The following SH3KBP1 variants were observed in gnomAD, a reference collection of about 807,000 sequenced individuals.
SH3KBP1 encodes the protein SH3 domain containing kinase binding protein 1, also known as SH3 domain-containing kinase-binding protein 1.
A neutral mutation model predicts 50.1 loss-of-function variants in SH3KBP1; 8 were observed. The ratio of observed to expected loss-of-function variants is 0.16; its 90% CI spans 0.09 to 0.29. The LOEUF is 0.29. SH3KBP1 is among the 10% of genes least tolerant of loss of function. The probability of loss-of-function intolerance (pLI) is 1.00; values close to 1 mark genes in which losing one functional copy is unlikely to be tolerated. For missense variants in SH3KBP1, 377 were observed against 535.2 expected, an observed-to-expected ratio of 0.70 and a Z score of 2.92; for synonymous variants, 227 against 218.6, an observed-to-expected ratio of 1.04 and a Z score of -0.34.
chrX:19,858,822 G>C (rs2068716733), intron 1 of SH3KBP1, among the ~76,000 whole-genome samples: 1 of 112,030 alleles, frequency 8.9e-6, no homozygotes, highest in Admixed American at 9.5e-5. Context: ...CAAGAGCTAG[G>C]AAAAGTTAAG....
At chrX:19,571,816 T>G (rs904163758) in intron 12 of SH3KBP1, among the ~76,000 whole-genome samples, 8 of 108,934 alleles carry the variant, frequency 7.3e-5, no homozygotes, top group Non-Finnish European at 1.3e-4. Flanking sequence ...GTGAGTTTAG[T>G]GAACTCTACT....
At chrX:19,782,444 A>G (rs1389757854) in intron 2 of SH3KBP1, among the ~76,000 whole-genome samples, 1 of 111,818 alleles carries the variant, frequency 8.9e-6, no homozygotes, top group Non-Finnish European at 1.9e-5. Context: ...CTGTCCACCA[A>G]TGAGGCCTCT....
At chrX:19,595,611 CA>C (rs2066882385) in intron 9 of SH3KBP1, among the ~76,000 whole-genome samples, 1 of 99,645 alleles carries the variant, frequency 1.0e-5, no homozygotes, top group Admixed American at 1.1e-4. Context: ...TTTTGCATAT[CA>C]GCCGTGATTT....
chrX:19,827,562 G>T (rs1190979725), intron 2 of SH3KBP1, among the ~76,000 whole-genome samples: 1 of 111,137 alleles, frequency 9.0e-6, no homozygotes, highest in Non-Finnish European at 1.9e-5. Context: ...ATAGCTGTGG[G>T]TCCCTTCCAG....
intron 3 of SH3KBP1, among the ~76,000 whole-genome samples, chrX:19,708,194 A>G (rs6629358): frequency 8.7e-4 from 98 of 112,416 alleles, no homozygotes; most frequent in East Asian, 7.0e-3. Flanking sequence ...GCTACATCGG[A>G]TGTGTGCCCT....
chrX:19,779,499 C>T (rs1347066819), intron 2 of SH3KBP1, among the ~76,000 whole-genome samples: 1 of 103,705 alleles, frequency 9.6e-6, no homozygotes, highest in Non-Finnish European at 2.0e-5. Flanking sequence ...CATATGTATA[C>T]ATGTGCCATG....
In SH3KBP1 at chrX:19,887,376, G is replaced by A; in HGVS notation, c.-66C>T. On this transcript the variant is annotated 5_prime_UTR_variant, in exon 1 of 18. Coordinates refer to ENST00000397821, the MANE Select transcript of SH3KBP1 (RefSeq NM_031892.3). ...TTGGCGGAGGCGGGCGTGGGGGTTGGGGCGCCGGGATCGGGGCGCTGGGAT... is the reference window on the plus strand; with the variant it reads ...TTGGCGGAGGCGGGCGTGGGGGTTGAGGCGCCGGGATCGGGGCGCTGGGAT... 3 of 906,068 alleles carry A rather than the reference G, an allele frequency of 3.3e-6. No individual in the cohort carries two copies. Among genetic ancestry groups the A allele is most frequent in the Non-Finnish European group, 2.8e-6 (2 of 724,977 alleles). 74.7% of individuals were successfully genotyped at this position (906,068 alleles called of 1,213,427 possible). A position where few individuals can be genotyped will look rare whatever the true frequency, so the allele number is the denominator to read the frequency against.
At chrX:19,839,505 T>G (rs1249112307) in intron 1 of SH3KBP1, among the ~76,000 whole-genome samples, 1 of 110,583 alleles carries the variant, frequency 9.0e-6, no homozygotes, top group Non-Finnish European at 1.9e-5. Flanking sequence ...CCCAGCTAAT[T>G]TTTGTATTGT....
intron 6 of SH3KBP1, among the ~76,000 whole-genome samples, chrX:19,656,801 T>C (rs1000262862): frequency 2.7e-5 from 3 of 111,926 alleles, no homozygotes; most frequent in Non-Finnish European, 5.6e-5. Context: ...AAAACACCAA[T>C]CAATCTACCA....
chrX:19,678,347 AGG>A (rs1377984404), intron 6 of SH3KBP1, among the ~76,000 whole-genome samples: 11 of 104,049 alleles, frequency 1.1e-4, no homozygotes, highest in Non-Finnish European at 1.9e-4. Context: ...AAATTCCAGG[AGG>A]TTTTTTTTTT....
intron 2 of SH3KBP1, among the ~76,000 whole-genome samples, chrX:19,815,921 A>AT (rs1372710491): frequency 8.9e-6 from 1 of 112,298 alleles, no homozygotes; most frequent in African/African-American, 3.2e-5. Flanking sequence ...ACAATTCAAG[A>AT]TATTTCCAAT....
intron 2 of SH3KBP1, among the ~76,000 whole-genome samples, chrX:19,808,328 T>A (rs1279951334): frequency 9.0e-6 from 1 of 110,658 alleles, no homozygotes; most frequent in Non-Finnish European, 1.9e-5. Context: ...ACCACCCGCT[T>A]AAAGACCTTT....
At chrX:19,765,384 T>C (rs2065572766) in intron 2 of SH3KBP1, among the ~76,000 whole-genome samples, 1 of 110,505 alleles carries the variant, frequency 9.0e-6, no homozygotes, top group Non-Finnish European at 1.9e-5. Context: ...GAGGAGGTTC[T>C]CCCACCCTTT....
Position 19,829,695 on chromosome X carries a change from G to A in SH3KBP1, c.162+6430C>T, listed in dbSNP as rs1426755049. On this transcript the variant is annotated intron_variant, in intron 2 of 17. Coordinates refer to ENST00000397821, the MANE Select transcript of SH3KBP1 (RefSeq NM_031892.3). ...CGGGAGGCAGAGGTCGTAGTGAGCC[G>A]AGATCTCCCCACTGCACTCCGTCTC... is the stretch of plus-strand genomic sequence containing the variant. Among the ~76,000 whole-genome samples, 3 of 99,702 alleles carry A rather than the reference G, an allele frequency of 3.0e-5. No homozygotes were observed. In the East Asian group the frequency reaches 9.2e-4, roughly 31 times the overall value. The allele number at this position is 99,702 out of a possible 115,157, so 86.6% of individuals were successfully genotyped here. A position where few individuals can be genotyped will look rare whatever the true frequency, so the allele number is the denominator to read the frequency against.
chrX:19,857,700 C>T (rs1416828731), intron 1 of SH3KBP1, among the ~76,000 whole-genome samples: 1 of 109,992 alleles, frequency 9.1e-6, no homozygotes, highest in Non-Finnish European at 1.9e-5. Context: ...CCAGCCTGGA[C>T]GACAGAGCAA....
intron 2 of SH3KBP1, among the ~76,000 whole-genome samples, chrX:19,817,118 T>C (rs2067380690): frequency 8.9e-6 from 1 of 112,009 alleles, no homozygotes; most frequent in Non-Finnish European, 1.9e-5. Flanking sequence ...CTCTAGTCCG[T>C]TCCTTTATCT....
intron 3 of SH3KBP1, among the ~76,000 whole-genome samples, chrX:19,724,005 T>G (rs2064146820): frequency 8.9e-6 from 1 of 111,924 alleles, no homozygotes; most frequent in Admixed American, 9.5e-5. Context: ...AAGACTTTTC[T>G]CTTTATTTAA....
At chrX:19,646,866 T>G (rs1003228576) in intron 6 of SH3KBP1, among the ~76,000 whole-genome samples, 3 of 111,758 alleles carry the variant, frequency 2.7e-5, no homozygotes, top group African/African-American at 9.8e-5. Flanking sequence ...GGATAAAAAA[T>G]GGAAACCAAA....
chrX:19,726,305 A>G (rs2064220673), intron 3 of SH3KBP1, among the ~76,000 whole-genome samples: 1 of 111,410 alleles, frequency 9.0e-6, no homozygotes, highest in South Asian at 3.8e-4. Flanking sequence ...ACCACTCACT[A>G]ACAGTGTGGC....
Sources: allele counts gnomAD v4.1 joint callset (sites outside exome capture counted in the v4.1 genomes callset), GRCh38; gene constraint gnomAD v4.1.1; transcripts MANE v1.5; gene names NCBI Gene and HGNC (gene_info 2026-07-23, HGNC 2026-07-21).